The following VPS26A variants were observed in gnomAD, a reference collection of about 807,000 sequenced individuals.
VPS26A encodes the protein vacuolar protein sorting-associated protein 26A.
A neutral mutation model predicts 42.4 loss-of-function variants in VPS26A; 22 were observed. That is an observed-to-expected ratio of 0.52 (90% confidence interval 0.37 to 0.74). The LOEUF (loss-of-function observed/expected upper bound fraction) is 0.74, where lower values mean the gene tolerates loss of function less well. VPS26A is among the 30% of genes least tolerant of loss of function. VPS26A has a pLI of 0.00. For synonymous variants in VPS26A, 110 were observed against 123.5 expected, an observed-to-expected ratio of 0.89 and a Z score of 0.73; for missense variants, 276 against 379.2, an observed-to-expected ratio of 0.73 and a Z score of 2.26.
At position 69,124,241 on chromosome 10, in the gene VPS26A, G is replaced by A. The variant is rs1840593579; in HGVS notation, c.-37G>A. On this transcript the variant is annotated 5_prime_UTR_variant, in exon 1 of 9. Coordinates refer to ENST00000263559, the MANE Select transcript of VPS26A (RefSeq NM_004896.5). ...GGCTGGGAGTTCTCCTGAGGGAAGA[G>A]GAGTGGAGTAGGGGGGACGCGGCGG... 6.2e-6 allele frequency: 8 copies of A among 1,284,792 alleles called. No individual in the cohort carries two copies. The highest frequency in any genetic ancestry group is 3.6e-5 in the South Asian group (1 of 27,544). 79.6% of individuals were successfully genotyped at this position (1,284,792 alleles called of 1,614,324 possible).
intron 2 of VPS26A, among the ~76,000 whole-genome samples, chr10:69,147,885 A>T (rs1841198837): frequency 6.6e-6 from 1 of 151,598 alleles, no homozygotes; most frequent in African/African-American, 2.4e-5. Context: ...CCTAATTTTT[A>T]TATTTTTTTG....
In VPS26A at chr10:69,168,565, T is replaced by A; in HGVS notation, c.804T>A (p.Phe268Leu). 6.2e-7 allele frequency: 1 copy of A among 1,614,172 alleles called. No homozygotes were observed. The highest frequency in any genetic ancestry group is 8.5e-7 in the Non-Finnish European group (1 of 1,180,018). ...TPTMRDVNKK[F>L]SVRYFLNLVL... is the part of the protein sequence containing the mutation. ...CAATGAGAGATGTGAACAAAAAATT[T>A]TCAGTAAGGTACTTTTTGAATTTAG... is the stretch of plus-strand genomic sequence containing the variant. Residue 268 changes from phenylalanine (F) to leucine (L), a missense_variant, in exon 8 of 9, where the codon TTT (phenylalanine) becomes TTA (leucine). Phe to Leu is a conservative substitution (Grantham distance 22). Transcript: ENST00000263559.
chr10:69,133,063 G>T lies in VPS26A; in HGVS notation c.153+16G>T. 1 of 1,603,018 alleles carries T rather than the reference G, an allele frequency of 6.2e-7. No homozygotes were observed. The highest frequency in any genetic ancestry group is 1.1e-5 in the South Asian group (1 of 88,294). ...TTCAGGAAAGGTAAATCTTCTGTTTGACAAAACTATCTAATTGTAAGATAT... is the reference window on the plus strand; with the variant it reads ...TTCAGGAAAGGTAAATCTTCTGTTTTACAAAACTATCTAATTGTAAGATAT... On this transcript the variant is annotated intron_variant, in intron 2 of 8. Transcript: ENST00000263559.
At chr10:69,147,364 C>T (rs12256618) in intron 2 of VPS26A, among the ~76,000 whole-genome samples, 6,319 of 151,958 alleles carry the variant, frequency 0.042, 458 homozygotes, top group African/African-American at 0.14. Flanking sequence ...AGTTCTCTTT[C>T]CACTTTCTTG....
chr10:69,132,867 G>A lies in VPS26A; in HGVS notation c.4-31G>A, dbSNP rs781626601. 31 of 1,562,620 alleles carry A rather than the reference G, an allele frequency of 2.0e-5. No individual in the cohort carries two copies. The Admixed American group carries it at 6.6e-4, about 33-fold the overall frequency. Reference sequence around the variant, plus strand: ...TAAAATGTAGTGACTGACTAAACATGATAATTATGACCATTTTCATTTTAT... The same window carrying A: ...TAAAATGTAGTGACTGACTAAACATAATAATTATGACCATTTTCATTTTAT... On this transcript the variant is annotated intron_variant, in intron 1 of 8. Coordinates refer to ENST00000263559, the MANE Select transcript of VPS26A (RefSeq NM_004896.5).
At chr10:69,167,938 G>GAAGATAACA (rs1413126072) in intron 7 of VPS26A, among the ~76,000 whole-genome samples, 2 of 152,044 alleles carry the variant, frequency 1.3e-5, no homozygotes, top group Non-Finnish European at 2.9e-5. Flanking sequence ...CTTCATGAAA[G>GAAGATAACA]AAGATAACAA....
intron 8 of VPS26A, 77 bp downstream of exon 8, chr10:69,168,708 C>T: frequency 2.6e-6 from 4 of 1,520,660 alleles, no homozygotes; most frequent in South Asian, 1.3e-5. Context: ...CTAAGCTTCA[C>T]TGTACTGAGC....
intron 1 of VPS26A, among the ~76,000 whole-genome samples, chr10:69,130,418 G>GAC (rs746124023): frequency 3.9e-5 from 6 of 152,176 alleles, no homozygotes; most frequent in Non-Finnish European, 7.4e-5. Flanking sequence ...AGACAAGAAG[G>GAC]ACACTAGCAA....
At chr10:69,159,389 AAAC>A (rs1459033918) in intron 5 of VPS26A, among the ~76,000 whole-genome samples, 9 of 152,140 alleles carry the variant, frequency 5.9e-5, no homozygotes, top group African/African-American at 2.2e-4. Context: ...TCAAAAAAAA[AAAC>A]AAAAAAAAAA....
intron 2 of VPS26A, among the ~76,000 whole-genome samples, chr10:69,143,405 C>T (rs1841085623): frequency 6.6e-6 from 1 of 152,124 alleles, no homozygotes; most frequent in Admixed American, 6.5e-5. Flanking sequence ...TATGTTGGAT[C>T]TTGGAGGTCT....
chr10:69,159,246 C>T (rs768201016), intron 5 of VPS26A, among the ~76,000 whole-genome samples: 10 of 151,740 alleles, frequency 6.6e-5, no homozygotes, highest in African/African-American at 9.7e-5. Context: ...ATGGGTGTGG[C>T]GGTGCATGCC....
At chr10:69,146,677 TG>T (rs1841167871) in intron 2 of VPS26A, among the ~76,000 whole-genome samples, 1 of 152,248 alleles carries the variant, frequency 6.6e-6, no homozygotes, top group South Asian at 2.1e-4. Context: ...TTTGTCCTTT[TG>T]TGCCTGACTT....
chr10:69,136,506 G>A (rs1389963657), intron 2 of VPS26A, among the ~76,000 whole-genome samples: 4 of 151,916 alleles, frequency 2.6e-5, no homozygotes, highest in African/African-American at 7.3e-5. Flanking sequence ...TTCTGACCTC[G>A]TGATCCGCCC....
chr10:69,166,382 T>C (rs971712816), intron 7 of VPS26A, among the ~76,000 whole-genome samples: 4 of 152,338 alleles, frequency 2.6e-5, no homozygotes, highest in Non-Finnish European at 4.4e-5. Context: ...ATATTTTCAT[T>C]GTCTTCTATT....
intron 7 of VPS26A, among the ~76,000 whole-genome samples, chr10:69,167,779 A>C (rs1345240036): frequency 6.6e-6 from 1 of 151,242 alleles, no homozygotes; most frequent in Non-Finnish European, 1.5e-5. Context: ...TATGCAAAGA[A>C]TTACCCTTAG....
rs777189082 is a variant in VPS26A, at chr10:69,158,032, C to CT, written c.387-11dup. On this transcript the variant is annotated splice_polypyrimidine_tract_variant and intron_variant, in intron 4 of 8. Transcript: ENST00000263559. Reference sequence around the variant, plus strand: ...ACAGGTGATTTAACTCATCGACTCTCTTTTAACTTTGTAGGTATTTTCTTA... The same window carrying CT: ...ACAGGTGATTTAACTCATCGACTCTCTTTTTAACTTTGTAGGTATTTTCTTA... 3 of 1,582,850 alleles carry CT rather than the reference C, an allele frequency of 1.9e-6. No individual in the cohort carries two copies. The South Asian group carries it at 3.5e-5, about 19-fold the overall frequency.
intron 2 of VPS26A, among the ~76,000 whole-genome samples, chr10:69,154,431 G>T (rs1841385400): frequency 6.6e-6 from 1 of 152,220 alleles, no homozygotes; most frequent in Non-Finnish European, 1.5e-5. Flanking sequence ...AGCTACTTGG[G>T]AGGCTGAGGC....
intron 5 of VPS26A, among the ~76,000 whole-genome samples, chr10:69,162,104 G>A (rs1000455328): frequency 1.3e-5 from 2 of 150,304 alleles, no homozygotes; most frequent in Non-Finnish European, 2.9e-5. Flanking sequence ...CAGTCCTCCC[G>A]CTTCAGCCTC....
chr10:69,129,217 C>T (rs1458688269), intron 1 of VPS26A, among the ~76,000 whole-genome samples: 1 of 152,058 alleles, frequency 6.6e-6, no homozygotes, highest in African/African-American at 2.4e-5. Flanking sequence ...GATTGCTCCT[C>T]CCACACAACC....
Sources: gnomAD v4.1 joint callset for allele counts (sites outside exome capture counted in the v4.1 genomes callset) on GRCh38, gnomAD v4.1.1 for gene constraint, MANE v1.5 for transcripts, NCBI Gene and HGNC (gene_info 2026-07-23, HGNC 2026-07-21) for gene names.